Variants in BRD8 observed in about 807,000 individuals in gnomAD.
BRD8 encodes the protein bromodomain containing 8.
A neutral mutation model predicts 143.1 loss-of-function variants in BRD8; 67 were observed. The observed-to-expected ratio is 0.47, with a 90% CI of 0.38 to 0.57. The LOEUF (loss-of-function observed/expected upper bound fraction) is 0.57, where lower values mean the gene tolerates loss of function less well. Ranked by LOEUF, BRD8 falls within the 20% of genes least tolerant of loss-of-function variation. BRD8 has a pLI of 0.00. For synonymous variants in BRD8, 505 were observed against 517.1 expected (o/e 0.98, Z 0.32); for missense variants, 1,103 against 1,503.0 (o/e 0.73, Z 4.40).
At position 138,164,828 on chromosome 5, in the gene BRD8, G is replaced by A. The variant is rs747514573; in HGVS notation, c.1617C>T (p.Leu539=). ...GTTCCTCATCTAAGTCCTGACTCCTGAGTTCTGGTGGCTCCATACTTGTGG... is the reference window on the plus strand; with the variant it reads ...GTTCCTCATCTAAGTCCTGACTCCTAAGTTCTGGTGGCTCCATACTTGTGG... The part of the protein sequence containing the change: ...VPATSMEPPE[L]RSQDLDEELG... The change falls in exon 12 of 27, where the codon CTC becomes CTT. Residue 539 remains leucine (L), a synonymous_variant. Transcript: ENST00000254900. 1.2e-5 allele frequency: 19 copies of A among 1,614,222 alleles called. No homozygotes were observed. The South Asian group carries it at 1.8e-4, about 15-fold the overall frequency.
At chr5:138,149,511 A>C in intron 23 of BRD8, 129 bp downstream of exon 23, 3 of 731,484 alleles carry the variant, frequency 4.1e-6, no homozygotes, top group Non-Finnish European at 6.2e-6. Flanking sequence ...ATTATACTTA[A>C]TTAATTATAT....
chr5:138,161,513 G>A lies in BRD8; in HGVS notation c.2249+283C>T, dbSNP rs1003296319. Among the ~76,000 whole-genome samples the A allele has an allele frequency of 3.9e-5, 6 of 152,072 alleles. No homozygotes were observed. The South Asian group carries it at 6.2e-4, about 16-fold the overall frequency. Reference sequence around the variant, plus strand: ...GTATTTTCTGTAGAGAGGGGGTTTCGCCATGTTGCCCAGGCTAGTCTTGAA... The same window carrying A: ...GTATTTTCTGTAGAGAGGGGGTTTCACCATGTTGCCCAGGCTAGTCTTGAA... On this transcript the variant is annotated intron_variant, in intron 17 of 26. Coordinates refer to ENST00000254900, the MANE Select transcript of BRD8 (RefSeq NM_139199.2).
intron 18 of BRD8, 129 bp downstream of exon 18, chr5:138,160,761 TG>T (rs1339516642): frequency 4.1e-6 from 3 of 734,230 alleles, no homozygotes; most frequent in African/African-American, 3.6e-5. Context: ...CAAAATATTA[TG>T]TTTTCAATTG....
chr5:138,140,156 A>C lies in BRD8; in HGVS notation c.3626T>G (p.Ile1209Ser). Residue 1209 changes from isoleucine (I) to serine (S), a missense_variant, in exon 27 of 27, where the codon ATC becomes AGC. By Grantham distance (142) the Ile-to-Ser change is moderately radical. Around this residue, in one of 7 missense-constraint regions of BRD8, gnomAD observed 369 missense variants for 445.5 expected, o/e 0.83. Coordinates refer to ENST00000254900, the MANE Select transcript of BRD8 (RefSeq NM_139199.2). ...TGAGCCTTTTCTTTTGTCTAACCAG[A>C]TATTCAGTACCTAAAGGGTTAAGGA... Reference protein sequence around the residue: ...EVLEQIQVLNIWLDKRKGSSS... With the variant: ...EVLEQIQVLNSWLDKRKGSSS... 1 of 1,611,682 alleles carries C rather than the reference A, an allele frequency of 6.2e-7. No individual in the cohort carries two copies. Among genetic ancestry groups the C allele is most frequent in the African/African-American group, 1.3e-5 (1 of 75,004 alleles).
intron 8 of BRD8, chr5:138,168,492 A>C: frequency 6.2e-7 from 1 of 1,604,876 alleles, no homozygotes; most frequent in Non-Finnish European, 8.5e-7. Flanking sequence ...AGTAGGCAGG[A>C]GGCTGCCCTT....
At chr5:138,168,790 G>A (rs1753642244) in intron 8 of BRD8, 2 of 687,292 alleles carry the variant, frequency 2.9e-6, no homozygotes, top group Non-Finnish European at 5.0e-6. Context: ...TATTAGTCCT[G>A]AGTGGAATTG....
intron 20 of BRD8, among the ~76,000 whole-genome samples, chr5:138,153,086 T>C (rs1230791466): frequency 2.6e-5 from 4 of 152,226 alleles, no homozygotes; most frequent in Admixed American, 6.5e-5. Context: ...AACTGGAGCA[T>C]AGCTAGCTCA....
At chr5:138,170,993 C>T (rs370031500) in intron 5 of BRD8, 45 bp downstream of exon 5, 57 of 1,611,524 alleles carry the variant, frequency 3.5e-5, no homozygotes, top group Non-Finnish European at 4.7e-5. Context: ...AGAAGACAGT[C>T]CCTTATGTCT....
rs1334079340 is a variant in BRD8 at position 138,164,969 on chromosome 5, G to A, written c.1476C>T (p.Asn492=). ...QERLDFEETE[N]KGIHELVDIR... ...TGTCCACCAGTTCATGTATTCCCTT[G>A]TTTTCCGTTTCCTCAAAGTCCAGTC... Residue 492 remains asparagine (N), a synonymous_variant, in exon 12 of 27, where the codon AAC becomes AAT. Coordinates refer to ENST00000254900, the MANE Select transcript of BRD8 (RefSeq NM_139199.2). 6.2e-7 allele frequency: 1 copy of A among 1,614,082 alleles called. No homozygotes were observed.
In BRD8 at chr5:138,163,551, A is replaced by C. The variant is rs537870308; in HGVS notation, c.1873-207T>G. ...ACCTGGACAAAGAATAATACCCAGG[A>C]TCTTTTAAAAAGAAAGAAAAAAAAA... On this transcript the variant is annotated intron_variant, in intron 14 of 26. Transcript: ENST00000254900. The C allele has an allele frequency of 2.0e-6, 3 of 1,466,052 alleles. No homozygotes were observed. The South Asian group carries it at 3.9e-5, about 19-fold the overall frequency. The allele number at this position is 1,466,052 out of a possible 1,614,324, so 90.8% of individuals were successfully genotyped here. A position where few individuals can be genotyped will look rare whatever the true frequency, so the allele number is the denominator to read the frequency against.
rs755478439 is a variant in BRD8 at position 138,161,912 on chromosome 5, A to G, written c.2181-48T>C. 12 of 1,603,632 alleles carry G rather than the reference A, an allele frequency of 7.5e-6. 1 individual carries two copies. In the South Asian group the frequency reaches 1.1e-4, roughly 15 times the overall value. ...AATTACTGACATTCTCCAGAAGTGC[A>G]GGGAGGGAACTTACTCTAAGTAACT... On this transcript the variant is annotated intron_variant, in intron 16 of 26. Transcript: ENST00000254900.
rs912443291 is a variant in BRD8 at position 138,171,969 on chromosome 5, G to A, written c.186+96C>T. 4.5e-6 allele frequency: 4 copies of A among 885,230 alleles called. No homozygotes were observed. In the African/African-American group the frequency reaches 5.1e-5, roughly 11 times the overall value. 54.8% of individuals were successfully genotyped at this position (885,230 alleles called of 1,614,324 possible). ...ATTCTCAACTATTTTCCCACATCAT[G>A]GTATAAAAGCTTTGTAACTAAAAGT... is the stretch of plus-strand genomic sequence containing the variant. On this transcript the variant is annotated intron_variant, in intron 3 of 26. Coordinates refer to ENST00000254900, the MANE Select transcript of BRD8 (RefSeq NM_139199.2).
At chr5:138,161,133 A>G in intron 17 of BRD8, 65 bp from the exon 18 acceptor site, 1 of 1,277,448 alleles carries the variant, frequency 7.8e-7, no homozygotes, top group South Asian at 1.5e-5. Context: ...AGATCTATGA[A>G]TACATTATCA....
At position 138,170,889 on chromosome 5, in the gene BRD8, A is replaced by C. The variant is rs1753809893; in HGVS notation, c.383T>G (p.Leu128Arg). The C allele has an allele frequency of 6.2e-7, 1 of 1,614,226 alleles. No homozygotes were observed. The highest frequency in any genetic ancestry group is 1.1e-5 in the South Asian group (1 of 91,084). Residue 128 changes from leucine to arginine, a missense_variant, in exon 6 of 27, where the codon CTA becomes CGA. By Grantham distance (102) the Leu-to-Arg change is moderately radical. This residue lies in a region of BRD8 where 334 missense variants were observed against 372.5 expected (regional missense o/e 0.90). Transcript: ENST00000254900. Reference protein sequence around the residue: ...RYRRLKRDAELIQAGHMDSRL... With the variant: ...RYRRLKRDAERIQAGHMDSRL... ...GCTGTCCATGTGTCCAGCTTGAATT[A>C]GTTCTGCATCTCTCTTTAGCCGTCT... is the stretch of plus-strand genomic sequence containing the variant.
chr5:138,145,054 T>C (rs781181006), intron 25 of BRD8, 123 bp downstream of exon 25: 49 of 997,424 alleles, frequency 4.9e-5, no homozygotes, highest in Non-Finnish European at 7.1e-5. Flanking sequence ...CTTTATAAAC[T>C]TGTTTGGCTA....
chr5:138,152,649 C>G lies in BRD8; in HGVS notation c.2689G>C (p.Asp897His), dbSNP rs767931244. The part of the protein sequence containing the change: ...FSSWDSSLDL[D>H]VGNWRETEDP... ...TCAGTTTCCCTCCAGTTGCCCACAT[C>G]AAGATCCAGACTGGAGTCCCATGAG... is the stretch of plus-strand genomic sequence containing the variant. Residue 897 changes from aspartate to histidine, a missense_variant, in exon 21 of 27, where the codon GAT becomes CAT. Physicochemically the swap from Asp to His is moderately conservative, Grantham distance 81. This residue lies in a region of BRD8 where 369 missense variants were observed against 445.5 expected (regional missense o/e 0.83). Transcript: ENST00000254900. 7 of 1,614,076 alleles carry G rather than the reference C, an allele frequency of 4.3e-6. No individual in the cohort carries two copies. Among genetic ancestry groups the G allele is most frequent in the Non-Finnish European group, 5.9e-6 (7 of 1,180,036 alleles).
chr5:138,168,432 T>C, intron 8 of BRD8: 10 of 1,436,066 alleles, frequency 7.0e-6, no homozygotes, highest in Non-Finnish European at 9.7e-6. Context: ...AAGTACTAAA[T>C]CACCACAGCT....
intron 25 of BRD8, among the ~76,000 whole-genome samples, chr5:138,144,911 AAAAAAAAAT>A (rs1036561779): frequency 1.4e-5 from 2 of 145,460 alleles, no homozygotes; most frequent in African/African-American, 5.1e-5. Flanking sequence ...AAAAAAAAAA[AAAAAAAAAT>A]ATATATATAT....
At position 138,159,609 on chromosome 5, in the gene BRD8, GACAA is replaced by G. The variant is rs1227562944; in HGVS notation, c.2533-14_2533-11del. On this transcript the variant is annotated splice_polypyrimidine_tract_variant and intron_variant, in intron 19 of 26. Transcript: ENST00000254900. ...CCATTGGGACACTGTCCTGTTAGAG[GACAA>G]ACAAACACTGATCAGGTTCCACAGA... 3.1e-6 allele frequency: 5 copies of G among 1,613,640 alleles called. No homozygotes were observed. The highest frequency in any genetic ancestry group is 3.3e-5 in the Admixed American group (2 of 59,976).
Sources: allele counts gnomAD v4.1 joint callset (sites outside exome capture counted in the v4.1 genomes callset), GRCh38; gene constraint gnomAD v4.1.1; regional missense constraint gnomAD v4.1.1; transcripts MANE v1.5; gene names NCBI Gene and HGNC (gene_info 2026-07-23, HGNC 2026-07-21).